TNFAIP8: variants seen among roughly 807,000 people sequenced by gnomAD.
The protein encoded by TNFAIP8 is tumor necrosis factor alpha-induced protein 8.
In TNFAIP8, 7 loss-of-function variants were observed where a neutral mutation model predicts 13.3. The observed-to-expected ratio is 0.52, with a 90% confidence interval of 0.30 to 0.99. The LOEUF is 0.99. Ranked by LOEUF, TNFAIP8 falls within the 50% of genes least tolerant of loss-of-function variation. The pLI is 0.07. For synonymous variants in TNFAIP8, 94 were observed against 87.6 expected, an observed-to-expected ratio of 1.07 and a Z score of -0.41; for missense variants, 258 against 236.9, an observed-to-expected ratio of 1.09 and a Z score of -0.58.
At chr5:119,330,713 C>T (rs1202708928) in intron 1 of TNFAIP8, among the ~76,000 whole-genome samples, 1 of 152,124 alleles carries the variant, frequency 6.6e-6, no homozygotes, top group African/African-American at 2.4e-5. Flanking sequence ...ACGTGGAGTA[C>T]ACACACACGG....
chr5:119,372,334 AAAAAAG>A (rs1246289219), intron 1 of TNFAIP8, among the ~76,000 whole-genome samples: 71 of 151,594 alleles, frequency 4.7e-4, no homozygotes, highest in African/African-American at 1.7e-3. Flanking sequence ...AAAAAAAAAA[AAAAAAG>A]AATACTAGAA....
At chr5:119,338,896 A>G (rs1235984168) in intron 1 of TNFAIP8, among the ~76,000 whole-genome samples, 1 of 152,164 alleles carries the variant, frequency 6.6e-6, no homozygotes, top group African/African-American at 2.4e-5. Flanking sequence ...AGTAAAAAAG[A>G]ATTAGCCTGG....
At chr5:119,364,841 G>GTTTTTTTTTTTTTTT (rs10714712) in intron 1 of TNFAIP8, among the ~76,000 whole-genome samples, 1 of 88,710 alleles carries the variant, frequency 1.1e-5, no homozygotes, top group African/African-American at 4.7e-5. Flanking sequence ...TTTCTTTTCA[G>GTTTTTTTTTTTTTTT]TTTTTTTTTT....
At chr5:119,314,168 TAAAA>T (rs869169011) in intron 1 of TNFAIP8, among the ~76,000 whole-genome samples, 2 of 91,812 alleles carry the variant, frequency 2.2e-5, no homozygotes, top group Middle Eastern at 4.9e-3. Context: ...ATGCTGTCTC[TAAAA>T]ACAAACAAAC....
intron 1 of TNFAIP8, among the ~76,000 whole-genome samples, chr5:119,337,095 T>A (rs1419179403): frequency 6.6e-6 from 1 of 152,230 alleles, no homozygotes; most frequent in Non-Finnish European, 1.5e-5. Context: ...TGTTTAATTG[T>A]CTCCTAGCCT....
chr5:119,323,842 G>A (rs60161062), intron 1 of TNFAIP8, among the ~76,000 whole-genome samples: 13,299 of 152,154 alleles, frequency 0.087, 627 homozygotes, highest in African/African-American at 0.14. Context: ...GCTTGTGTAA[G>A]CCAGGATCAA....
At chr5:119,390,662 C>G (rs1041909822) in intron 1 of TNFAIP8, among the ~76,000 whole-genome samples, 1 of 152,068 alleles carries the variant, frequency 6.6e-6, no homozygotes, top group African/African-American at 2.4e-5. Context: ...CTTTCTTATT[C>G]AATCAAGACA....
At chr5:119,333,649 T>G (rs1443899892) in intron 1 of TNFAIP8, 1 of 1,512,396 alleles carries the variant, frequency 6.6e-7, no homozygotes, top group Non-Finnish European at 8.9e-7. Context: ...AAAACGGCCT[T>G]CAGAATATGT....
intron 1 of TNFAIP8, among the ~76,000 whole-genome samples, chr5:119,348,983 C>G (rs1389759175): frequency 6.6e-6 from 1 of 150,794 alleles, no homozygotes; most frequent in Non-Finnish European, 1.5e-5. Context: ...CCTTCTGCTG[C>G]TTTTCTGAAG....
chr5:119,391,755 G>A (rs1752899262), intron 1 of TNFAIP8, among the ~76,000 whole-genome samples: 1 of 129,916 alleles, frequency 7.7e-6, no homozygotes, highest in Admixed American at 7.9e-5. Flanking sequence ...GTGAAACTCC[G>A]TCTCAAAAAA....
chr5:119,279,225 G>C (rs1748557186), intron 1 of TNFAIP8, among the ~76,000 whole-genome samples: 1 of 152,156 alleles, frequency 6.6e-6, no homozygotes, highest in African/African-American at 2.4e-5. Context: ...GGCCACGCTG[G>C]GATTTACACT....
intron 1 of TNFAIP8, among the ~76,000 whole-genome samples, chr5:119,288,678 G>A (rs1444030993): frequency 1.3e-5 from 2 of 152,076 alleles, no homozygotes; most frequent in Non-Finnish European, 2.9e-5. Flanking sequence ...AACACTAATA[G>A]GATGAAATAA....
intron 1 of TNFAIP8, among the ~76,000 whole-genome samples, chr5:119,338,928 T>C (rs7723976): frequency 0.1 from 15,945 of 152,106 alleles, 1,045 homozygotes; most frequent in African/African-American, 0.2. Context: ...GTACCTGTAG[T>C]CCCAGCTACT....
chr5:119,281,866 T>C (rs1748640834), intron 1 of TNFAIP8, among the ~76,000 whole-genome samples: 2 of 152,238 alleles, frequency 1.3e-5, no homozygotes, highest in Admixed American at 6.5e-5. Context: ...TAATTTCAAG[T>C]TGATAAAACT....
chr5:119,284,694 A>C (rs78550968), intron 1 of TNFAIP8, among the ~76,000 whole-genome samples: 3 of 152,026 alleles, frequency 2.0e-5, no homozygotes, highest in Non-Finnish European at 4.4e-5. Context: ...AAAAAAAAAA[A>C]ATTCTGTAGC....
chr5:119,395,844 G>A lies in TNFAIP8; in HGVS notation c.*2463G>A, dbSNP rs189343423. The A allele has an allele frequency of 5.3e-5, 8 of 152,246 alleles. No individual in the cohort carries two copies. Among genetic ancestry groups the A allele is most frequent in the Admixed American group, 5.2e-4 (8 of 15,300 alleles). 9.4% of individuals were successfully genotyped at this position (152,246 alleles called of 1,614,324 possible). A position where few individuals can be genotyped will look rare whatever the true frequency, so the allele number is the denominator to read the frequency against. ...TGAGCCGAGTTAATACTAATTTGGG[G>A]ATCCTATGAACCTTTTTATAAAATA... On this transcript the variant is annotated 3_prime_UTR_variant, in exon 2 of 2. Transcript: ENST00000504771.
intron 1 of TNFAIP8, among the ~76,000 whole-genome samples, chr5:119,372,074 T>G (rs1003994607): frequency 2.1e-4 from 32 of 151,862 alleles, no homozygotes; most frequent in Admixed American, 1.6e-3. Flanking sequence ...GAGGCGGAGC[T>G]TGCAGTGAGC....
At chr5:119,293,677 A>T (rs765376365) in intron 1 of TNFAIP8, among the ~76,000 whole-genome samples, 5 of 152,242 alleles carry the variant, frequency 3.3e-5, no homozygotes, top group Admixed American at 2.6e-4. Flanking sequence ...GTACACTTAC[A>T]ATGATAAATT....
chr5:119,394,491 A>G lies in TNFAIP8; in HGVS notation c.*1110A>G, dbSNP rs1445019888. The G allele has an allele frequency of 2.0e-5, 3 of 152,194 alleles. No homozygotes were observed. The highest frequency in any genetic ancestry group is 2.9e-5 in the Non-Finnish European group (2 of 68,040). 9.4% of individuals were successfully genotyped at this position (152,194 alleles called of 1,614,324 possible). A position where few individuals can be genotyped will look rare whatever the true frequency, so the allele number is the denominator to read the frequency against. On this transcript the variant is annotated 3_prime_UTR_variant, in exon 2 of 2. Transcript: ENST00000504771. ...ATATAATTTTCTGTGTATAAATAAT[A>G]AAGTAGGCATTTGTTTATTTTGTAA...
Sources: gnomAD v4.1 joint callset for allele counts (sites outside exome capture counted in the v4.1 genomes callset) on GRCh38, gnomAD v4.1.1 for gene constraint, MANE v1.5 for transcripts, NCBI Gene and HGNC (gene_info 2026-07-23, HGNC 2026-07-21) for gene names.